Variants in MGAT3 observed in about 807,000 individuals in gnomAD.
The protein encoded by MGAT3 is beta-1,4-mannosyl-glycoprotein 4-beta-N-acetylglucosaminyltransferase, also known as GlcNAc-T III.
MGAT3 carries 9 observed loss-of-function variants against 29.8 expected under a neutral mutation model. That is an observed-to-expected ratio of 0.30 (90% CI 0.18 to 0.53). The LOEUF is 0.53. Ranked by LOEUF, MGAT3 falls within the 20% of genes least tolerant of loss-of-function variation. MGAT3 has a pLI of 0.96. For synonymous variants in MGAT3, 397 were observed against 348.9 expected (o/e 1.14, Z -1.54); for missense variants, 557 against 769.5 (o/e 0.72, Z 3.27).
chr22:39,480,423 T>A (rs1465438696), intron 1 of MGAT3, among the ~76,000 whole-genome samples: 1 of 151,962 alleles, frequency 6.6e-6, no homozygotes, highest in East Asian at 1.9e-4. Context: ...CCTGGCTTCC[T>A]GAGCTGCTGG....
At chr22:39,484,678 T>C (rs1161387836) in intron 1 of MGAT3, among the ~76,000 whole-genome samples, 1 of 151,578 alleles carries the variant, frequency 6.6e-6, no homozygotes, top group East Asian at 2.0e-4. Context: ...TAACCCAAAT[T>C]CCTATCTTTC....
In MGAT3 at chr22:39,488,079, T is replaced by C. The variant is rs1353730648; in HGVS notation, c.732T>C (p.Ala244=). ...AFVVCESNFT[A]YGEPRPLKFR... ...TGGTGTGCGAGTCCAACTTCACGGCTTATGGGGAGCCGCGGCCGCTCAAGT... is the reference window on the plus strand; with the variant it reads ...TGGTGTGCGAGTCCAACTTCACGGCCTATGGGGAGCCGCGGCCGCTCAAGT... The change falls in exon 2 of 2, where the codon GCT becomes GCC. Residue 244 remains alanine, a synonymous_variant. Transcript: ENST00000341184. 1 of 1,612,202 alleles carries C rather than the reference T, an allele frequency of 6.2e-7. No individual in the cohort carries two copies. Among genetic ancestry groups the C allele is most frequent in the Non-Finnish European group, 8.5e-7 (1 of 1,179,170 alleles).
At chr22:39,469,077 T>C (rs1480439540) in intron 1 of MGAT3, among the ~76,000 whole-genome samples, 2 of 149,872 alleles carry the variant, frequency 1.3e-5, no homozygotes, top group Non-Finnish European at 3.0e-5. Context: ...GTTGGGAGAT[T>C]TGGGAAGTGC....
chr22:39,467,876 T>TA lies in MGAT3; in HGVS notation c.-2+10320dup, dbSNP rs143140918. On this transcript the variant is annotated intron_variant, in intron 1 of 1. Transcript: ENST00000341184. ...GACAGAGAACCTAGAATCTGAAACT[T>TA]AGAGGAGGAAACCTGGAGCAGCAAA... Among the ~76,000 whole-genome samples, 846 of 149,984 alleles carry TA rather than the reference T, an allele frequency of 5.6e-3. 11 individuals are homozygous for TA. The highest frequency in any genetic ancestry group is 0.02 in the African/African-American group (807 of 40,750).
rs571700262 is a variant in MGAT3 at position 39,469,830 on chromosome 22, G to A, written c.-2+12273G>A. ...AGAGGATGGCGAGCCTGGGCGGGAG[G>A]GGCTGGCACTGCCGGGGCTGCAGGG... is the stretch of plus-strand genomic sequence containing the variant. On this transcript the variant is annotated intron_variant, in intron 1 of 1. Transcript: ENST00000341184. Among the ~76,000 whole-genome samples, 887 of 152,378 alleles carry A rather than the reference G, an allele frequency of 5.8e-3. 15 individuals are homozygous for A. Among genetic ancestry groups the A allele is most frequent in the African/African-American group, 0.02 (847 of 41,592 alleles).
chr22:39,488,736 C>T lies in MGAT3; in HGVS notation c.1389C>T (p.Gly463=). 6.2e-7 allele frequency: 1 copy of T among 1,613,646 alleles called. No homozygotes were observed. Among genetic ancestry groups the T allele is most frequent in the Non-Finnish European group, 8.5e-7 (1 of 1,179,934 alleles). The change falls in exon 2 of 2, where the codon GGC becomes GGT. Residue 463 remains glycine, a synonymous_variant. Transcript: ENST00000341184. ...TCCGCGGCCTGATCCGCACCGGGGG[C>T]TGGTTCGACGGCACGCAGCAGGAGT... is the stretch of plus-strand genomic sequence containing the variant. ...NYIRGLIRTG[G]WFDGTQQEYP...
chr22:39,481,047 C>T lies in MGAT3; in HGVS notation c.-1-6300C>T, dbSNP rs527445773. Among the ~76,000 whole-genome samples, 54 of 152,288 alleles carry T rather than the reference C, an allele frequency of 3.5e-4. 1 individual carries two copies. The highest frequency in any genetic ancestry group is 1.2e-3 in the African/African-American group (48 of 41,560). On this transcript the variant is annotated intron_variant, in intron 1 of 1. Coordinates refer to ENST00000341184, the MANE Select transcript of MGAT3 (RefSeq NM_002409.5). ...TCACACCAAGGTCAGGCCATGGCCT[C>T]CCTTCTCTGAATCCTCCAGTGAAAG...
At chr22:39,465,007 G>A (rs754895143) in intron 1 of MGAT3, among the ~76,000 whole-genome samples, 9 of 151,288 alleles carry the variant, frequency 5.9e-5, no homozygotes, top group Non-Finnish European at 1.0e-4. Context: ...TGCCTGCCTC[G>A]GCCTCCCAAA....
rs1194228777 is a variant in MGAT3, at chr22:39,487,761, G to A, written c.414G>A (p.Glu138=). Residue 138 remains glutamate, a synonymous_variant, in exon 2 of 2, where the codon GAG becomes GAA. Transcript: ENST00000341184. The surrounding 1 kb of genome is among the most constrained non-coding windows in gnomAD (Gnocchi z 5.7). ...PPPGRPEEKP[E]GANGSSARRP... is the part of the protein sequence containing the mutation. ...CGGGACGGCCGGAGGAGAAGCCTGA[G>A]GGGGCCAACGGCTCCTCGGCCCGGC... 6 of 1,513,318 alleles carry A rather than the reference G, an allele frequency of 4.0e-6. No homozygotes were observed. Among genetic ancestry groups the A allele is most frequent in the Non-Finnish European group, 5.3e-6 (6 of 1,133,662 alleles). 93.7% of individuals were successfully genotyped at this position (1,513,318 alleles called of 1,614,324 possible). A position where few individuals can be genotyped will look rare whatever the true frequency, so the allele number is the denominator to read the frequency against.
intron 1 of MGAT3, among the ~76,000 whole-genome samples, chr22:39,476,300 T>C (rs924923977): frequency 6.6e-6 from 1 of 152,170 alleles, no homozygotes; most frequent in Non-Finnish European, 1.5e-5. Flanking sequence ...GCTGACTCCA[T>C]GAGGCCCAGA....
chr22:39,465,613 T>C (rs1440027647), intron 1 of MGAT3, among the ~76,000 whole-genome samples: 1 of 152,102 alleles, frequency 6.6e-6, no homozygotes, highest in African/African-American at 2.4e-5. Context: ...TATAGTGAAA[T>C]GAGGTTTATT....
chr22:39,459,931 A>G (rs1374801774), intron 1 of MGAT3, among the ~76,000 whole-genome samples: 2 of 152,266 alleles, frequency 1.3e-5, no homozygotes, highest in Non-Finnish European at 2.9e-5. Context: ...GGCAGCGGCC[A>G]TGAGAATCAC....
At chr22:39,477,090 C>G (rs960506293) in intron 1 of MGAT3, among the ~76,000 whole-genome samples, 1 of 152,206 alleles carries the variant, frequency 6.6e-6, no homozygotes, top group Admixed American at 6.5e-5. Flanking sequence ...GATGCCGACT[C>G]CCTCTGCCAT....
intron 1 of MGAT3, among the ~76,000 whole-genome samples, chr22:39,482,668 C>A (rs1929159902): frequency 6.6e-6 from 1 of 152,188 alleles, no homozygotes; most frequent in South Asian, 2.1e-4. Context: ...AGGAATTGAG[C>A]TGAAAAGGAT....
intron 1 of MGAT3, among the ~76,000 whole-genome samples, chr22:39,458,357 T>C (rs1053128895): frequency 1.3e-5 from 2 of 152,072 alleles, no homozygotes; most frequent in African/African-American, 4.8e-5. Context: ...AAGATGCCCC[T>C]GAAGGCCCCT....
intron 1 of MGAT3, among the ~76,000 whole-genome samples, chr22:39,460,430 C>T (rs1401505063): frequency 2.6e-5 from 4 of 152,152 alleles, no homozygotes; most frequent in Non-Finnish European, 4.4e-5. Context: ...GTTCAAATCC[C>T]GGCCCTGCCT....
intron 1 of MGAT3, among the ~76,000 whole-genome samples, chr22:39,466,858 T>C (rs1464561125): frequency 6.6e-6 from 1 of 152,234 alleles, no homozygotes; most frequent in Non-Finnish European, 1.5e-5. Flanking sequence ...TGAGCCTTGA[T>C]CCTGGGTGGG....
chr22:39,486,781 G>A (rs190242898), intron 1 of MGAT3, among the ~76,000 whole-genome samples: 222 of 152,328 alleles, frequency 1.5e-3, no homozygotes, highest in African/African-American at 5.1e-3. Flanking sequence ...GATTACAGGC[G>A]TGAGCCACCA....
chr22:39,482,147 A>ATT (rs11380222), intron 1 of MGAT3, among the ~76,000 whole-genome samples: 2,361 of 134,060 alleles, frequency 0.018, 49 homozygotes, highest in African/African-American at 0.04. Context: ...GGCACTGCTA[A>ATT]TTTTTTTTTT....
Sources: gnomAD v4.1 joint callset for allele counts (sites outside exome capture counted in the v4.1 genomes callset) on GRCh38, gnomAD v4.1.1 for gene constraint, Gnocchi (gnomAD v3.1) non-coding constraint, MANE v1.5 for transcripts, NCBI Gene and HGNC (gene_info 2026-07-23, HGNC 2026-07-21) for gene names.